The following CTSS variants were observed in gnomAD, a reference collection of about 807,000 sequenced individuals.
CTSS encodes the protein cathepsin S.
CTSS carries 15 observed loss-of-function variants against 39.9 expected under a neutral mutation model. The observed-to-expected ratio is 0.38, with a 90% CI of 0.25 to 0.58. CTSS has a LOEUF of 0.58. Ranked by LOEUF, CTSS falls within the 20% of genes least tolerant of loss-of-function variation. The pLI, the probability that CTSS is intolerant of heterozygous loss-of-function variation, is 0.70. For synonymous variants in CTSS, 126 were observed against 138.2 expected, an observed-to-expected ratio of 0.91 and a Z score of 0.62; for missense variants, 250 against 398.2, an observed-to-expected ratio of 0.63 and a Z score of 3.17.
intron 2 of CTSS, among the ~76,000 whole-genome samples, chr1:150,762,885 A>G (rs1653293345): frequency 6.6e-6 from 1 of 152,212 alleles, no homozygotes; most frequent in Non-Finnish European, 1.5e-5. Context: ...AACTAAAAAT[A>G]TAATTACCAT....
At chr1:150,746,730 A>C (rs587664179) in intron 7 of CTSS, among the ~76,000 whole-genome samples, 10 of 152,316 alleles carry the variant, frequency 6.6e-5, no homozygotes, top group Admixed American at 3.9e-4. Flanking sequence ...CAAGATATGA[A>C]GGAAGGTATT....
chr1:150,742,501 G>C (rs974992268), intron 7 of CTSS, among the ~76,000 whole-genome samples: 1 of 152,108 alleles, frequency 6.6e-6, no homozygotes, highest in Non-Finnish European at 1.5e-5. Context: ...AATGTCTAAG[G>C]TTATGTTAAA....
intron 6 of CTSS, among the ~76,000 whole-genome samples, chr1:150,749,069 T>A (rs2101918403): frequency 6.6e-6 from 1 of 152,342 alleles, no homozygotes; most frequent in Non-Finnish European, 1.5e-5. Context: ...CAGGCCTCCC[T>A]GTTCCCTGAG....
intron 7 of CTSS, among the ~76,000 whole-genome samples, chr1:150,738,143 G>T (rs1310982807): frequency 6.6e-6 from 1 of 152,208 alleles, no homozygotes; most frequent in Admixed American, 6.5e-5. Context: ...TGGTTACTGT[G>T]TAGAGGATTG....
intron 7 of CTSS, among the ~76,000 whole-genome samples, chr1:150,744,593 AT>A (rs1218213921): frequency 4.1e-5 from 5 of 122,558 alleles, no homozygotes; most frequent in African/African-American, 1.5e-4. Context: ...TATATTATAT[AT>A]GTATATTATG....
At chr1:150,750,228 T>C (rs1276747977) in intron 5 of CTSS, 57 bp from the exon 6 acceptor site, 25 of 1,380,222 alleles carry the variant, frequency 1.8e-5, no homozygotes, top group Non-Finnish European at 2.5e-5. Flanking sequence ...ATAAATCACC[T>C]GTATCCTAAG....
chr1:150,754,629 T>A (rs1162419429), intron 4 of CTSS, among the ~76,000 whole-genome samples: 3 of 152,136 alleles, frequency 2.0e-5, no homozygotes, highest in Non-Finnish European at 2.9e-5. Flanking sequence ...GGTTTCATCA[T>A]GTTGGCCAGG....
rs779597419 is a variant in CTSS, at chr1:150,752,017, G to T, written c.400-9C>A. 2 of 1,612,814 alleles carry T rather than the reference G, an allele frequency of 1.2e-6. No individual in the cohort carries two copies. Among genetic ancestry groups the T allele is most frequent in the Non-Finnish European group, 1.7e-6 (2 of 1,179,268 alleles). On this transcript the variant is annotated splice_polypyrimidine_tract_variant and intron_variant, in intron 4 of 7. Coordinates refer to ENST00000368985, the MANE Select transcript of CTSS (RefSeq NM_004079.5). Reference sequence around the variant, plus strand: ...CAAGCACCACAAGAACCCTAAAACAGATACAAGGTCACAAACGCAAATCAC... The same window carrying T: ...CAAGCACCACAAGAACCCTAAAACATATACAAGGTCACAAACGCAAATCAC...
At chr1:150,741,591 T>C (rs1652757308) in intron 7 of CTSS, among the ~76,000 whole-genome samples, 1 of 152,206 alleles carries the variant, frequency 6.6e-6, no homozygotes, top group South Asian at 2.1e-4. Context: ...AATGGGACAC[T>C]GGCTGTGCGC....
intron 5 of CTSS, among the ~76,000 whole-genome samples, chr1:150,750,823 G>T (rs892092551): frequency 5.9e-5 from 9 of 151,516 alleles, no homozygotes; most frequent in African/African-American, 2.2e-4. Context: ...TTGATTTTTA[G>T]TAGAGGTGAG....
intron 7 of CTSS, among the ~76,000 whole-genome samples, chr1:150,734,582 G>A (rs587659347): frequency 1.3e-5 from 2 of 152,192 alleles, no homozygotes; most frequent in African/African-American, 4.8e-5. Flanking sequence ...CAAGGCAGAG[G>A]TTGCAGTAAG....
intron 7 of CTSS, among the ~76,000 whole-genome samples, chr1:150,734,186 G>C (rs1429436922): frequency 1.3e-5 from 2 of 151,876 alleles, no homozygotes; most frequent in Admixed American, 1.3e-4. Flanking sequence ...GTGCCACCAC[G>C]ACGGCTAATT....
At chr1:150,752,288 G>A (rs1206427805) in intron 4 of CTSS, among the ~76,000 whole-genome samples, 7 of 152,188 alleles carry the variant, frequency 4.6e-5, no homozygotes, top group African/African-American at 1.7e-4. Flanking sequence ...TACTCACTGA[G>A]CATGTACCAA....
intron 1 of CTSS, among the ~76,000 whole-genome samples, chr1:150,765,116 AT>A (rs1469610413): frequency 7.9e-5 from 12 of 151,934 alleles, no homozygotes; most frequent in Non-Finnish European, 1.6e-4. Flanking sequence ...AAAAAAAAAA[AT>A]CATCCTTAAG....
At chr1:150,752,887 T>C (rs1653035276) in intron 4 of CTSS, among the ~76,000 whole-genome samples, 1 of 152,166 alleles carries the variant, frequency 6.6e-6, no homozygotes, top group Non-Finnish European at 1.5e-5. Flanking sequence ...AGGGTTTCCT[T>C]CTGTCACTCA....
intron 7 of CTSS, among the ~76,000 whole-genome samples, chr1:150,735,755 ATTT>A (rs146960325): frequency 6.3e-5 from 8 of 126,520 alleles, no homozygotes; most frequent in Admixed American, 8.5e-5. Context: ...TGCTTGGCCA[ATTT>A]TTTTTTTTTT....
At chr1:150,757,331 A>G (rs1361811422) in intron 3 of CTSS, among the ~76,000 whole-genome samples, 1 of 152,230 alleles carries the variant, frequency 6.6e-6, no homozygotes, top group Non-Finnish European at 1.5e-5. Flanking sequence ...CCCATGTGAG[A>G]AATAATTACA....
chr1:150,732,945 A>T lies in CTSS; in HGVS notation c.*101T>A. 1 of 859,200 alleles carries T rather than the reference A, an allele frequency of 1.2e-6. No homozygotes were observed. The highest frequency in any genetic ancestry group is 1.9e-6 in the Non-Finnish European group (1 of 539,060). 53.2% of individuals were successfully genotyped at this position (859,200 alleles called of 1,614,324 possible). The stretch of plus-strand genomic sequence containing the variant: ...TTTCTAATTAGTACAGTAAATACAC[A>T]TTAATCATGACACAATTATTTCTTC... On this transcript the variant is annotated 3_prime_UTR_variant, in exon 8 of 8. Coordinates refer to ENST00000368985, the MANE Select transcript of CTSS (RefSeq NM_004079.5).
At chr1:150,739,860 G>T (rs965372686) in intron 7 of CTSS, among the ~76,000 whole-genome samples, 1 of 151,672 alleles carries the variant, frequency 6.6e-6, no homozygotes, top group Non-Finnish European at 1.5e-5. Flanking sequence ...GAAGGCTGAT[G>T]AAACTAAAAT....
Sources: allele counts gnomAD v4.1 joint callset (sites outside exome capture counted in the v4.1 genomes callset), GRCh38; gene constraint gnomAD v4.1.1; transcripts MANE v1.5; gene names NCBI Gene and HGNC (gene_info 2026-07-23, HGNC 2026-07-21).